The following KCNJ16 variants were observed in gnomAD, a reference collection of about 807,000 sequenced individuals.
KCNJ16 encodes inward rectifier potassium channel 16.
Under a neutral mutation model 18.5 loss-of-function variants are expected in KCNJ16, and 15 were observed. The ratio of observed to expected loss-of-function variants is 0.81; its 90% CI spans 0.54 to 1.25. The LOEUF (loss-of-function observed/expected upper bound fraction) is 1.25. KCNJ16 is among the 50% of genes most tolerant of loss of function. The pLI is 0.00. For missense variants in KCNJ16, 523 were observed against 525.7 expected, an observed-to-expected ratio of 0.99 and a Z score of 0.05; for synonymous variants, 174 against 186.5, an observed-to-expected ratio of 0.93 and a Z score of 0.55.
At chr17:70,079,749 C>T (rs1281650007) in intron 1 of KCNJ16, among the ~76,000 whole-genome samples, 1 of 152,152 alleles carries the variant, frequency 6.6e-6, no homozygotes, top group African/African-American at 2.4e-5. Context: ...ATTGCCTAGG[C>T]TAGAGGGCAG....
At position 70,100,733 on chromosome 17, in the gene KCNJ16, A is replaced by G. The variant is rs1349018195; in HGVS notation, c.-224A>G. The G allele has an allele frequency of 6.6e-6, 1 of 152,194 alleles. No individual in the cohort carries two copies. The highest frequency in any genetic ancestry group is 2.4e-5 in the African/African-American group (1 of 41,444). 9.4% of individuals were successfully genotyped at this position (152,194 alleles called of 1,614,324 possible). A position where few individuals can be genotyped will look rare whatever the true frequency, so the allele number is the denominator to read the frequency against. On this transcript the variant is annotated 5_prime_UTR_variant, in exon 2 of 4. Transcript: ENST00000392671. Reference sequence around the variant, plus strand: ...ACTGGCAGACTGGCACTTTATCTCAATTCTTAACTGCTGTGTTGCCTCTCA... The same window carrying G: ...ACTGGCAGACTGGCACTTTATCTCAGTTCTTAACTGCTGTGTTGCCTCTCA...
chr17:70,098,899 AG>A (rs2072503266), intron 1 of KCNJ16, among the ~76,000 whole-genome samples: 1 of 152,212 alleles, frequency 6.6e-6, no homozygotes, highest in Admixed American at 6.5e-5. Context: ...AAGAACAACC[AG>A]GTGTTGAGCA....
chr17:70,078,279 G>A (rs529137283), intron 1 of KCNJ16, among the ~76,000 whole-genome samples: 4 of 152,246 alleles, frequency 2.6e-5, no homozygotes, highest in South Asian at 4.2e-4. Flanking sequence ...GCTGACAGGT[G>A]TATAAGAAAA....
intron 2 of KCNJ16, among the ~76,000 whole-genome samples, chr17:70,110,458 T>A (rs2073137467): frequency 6.8e-6 from 1 of 146,790 alleles, no homozygotes; most frequent in Admixed American, 6.7e-5. Context: ...GAACCAGACT[T>A]ACACACCTAC....
intron 1 of KCNJ16, among the ~76,000 whole-genome samples, chr17:70,092,767 A>C (rs143916906): frequency 1.3e-5 from 2 of 152,198 alleles, no homozygotes; most frequent in Non-Finnish European, 2.9e-5. Flanking sequence ...AATTTTATTT[A>C]AAGTCCAAAG....
intron 2 of KCNJ16, among the ~76,000 whole-genome samples, chr17:70,111,706 T>G (rs1795306274): frequency 6.6e-6 from 1 of 152,022 alleles, no homozygotes; most frequent in African/African-American, 2.4e-5. Flanking sequence ...GGGAGATAAT[T>G]GAATCATGGG....
intron 1 of KCNJ16, among the ~76,000 whole-genome samples, chr17:70,093,713 C>T (rs1036729669): frequency 6.6e-6 from 1 of 152,164 alleles, no homozygotes; most frequent in African/African-American, 2.4e-5. Context: ...CATTTTCTTA[C>T]TAATAATTCT....
chr17:70,089,683 A>C (rs2143681732), intron 1 of KCNJ16, among the ~76,000 whole-genome samples: 1 of 152,354 alleles, frequency 6.6e-6, no homozygotes, highest in Non-Finnish European at 1.5e-5. Context: ...ACATTTAGCT[A>C]TAAACTAGAC....
intron 2 of KCNJ16, among the ~76,000 whole-genome samples, chr17:70,105,260 T>C (rs1408468390): frequency 6.6e-6 from 1 of 152,200 alleles, no homozygotes; most frequent in East Asian, 1.9e-4. Context: ...TTCTCTCATA[T>C]ATCTCTGGGG....
At chr17:70,104,856 G>C (rs2072838784) in intron 2 of KCNJ16, 1 of 152,660 alleles carries the variant, frequency 6.6e-6, no homozygotes, top group Non-Finnish European at 1.5e-5. Context: ...GCGAAGCTGA[G>C]AACTCAGTGG....
intron 2 of KCNJ16, among the ~76,000 whole-genome samples, chr17:70,123,071 CAA>C (rs2144163196): frequency 6.6e-6 from 1 of 152,294 alleles, no homozygotes; most frequent in Admixed American, 6.5e-5. Context: ...TGTTCAAATG[CAA>C]AAGTTATCAT....
rs1598195104 is a variant in KCNJ16 at position 70,133,557 on chromosome 17, T to C, written c.*213T>C. On this transcript the variant is annotated 3_prime_UTR_variant, in exon 4 of 4. Coordinates refer to ENST00000392671, the MANE Select transcript of KCNJ16 (RefSeq NM_170741.4). ...TTGTTCGCCAATTTTGTATTAAGAA[T>C]GCTATTAAGCCTAATTGATTAAAAT... 7.9e-6 allele frequency: 4 copies of C among 508,706 alleles called. No homozygotes were observed. The Admixed American group carries it at 1.1e-4, about 14-fold the overall frequency. The allele number at this position is 508,706 out of a possible 1,614,324, so 31.5% of individuals were successfully genotyped here. A position where few individuals can be genotyped will look rare whatever the true frequency, so the allele number is the denominator to read the frequency against.
intron 2 of KCNJ16, among the ~76,000 whole-genome samples, chr17:70,103,296 G>GTGTGTGTGTGTGTGTATATA (rs1408960241): frequency 6.9e-5 from 5 of 72,054 alleles, no homozygotes; most frequent in African/African-American, 1.8e-4. Flanking sequence ...ATGTGTGTGT[G>GTGTGTGTGTGTGTGTATATA]TATATATATA....
chr17:70,117,406 T>C lies in KCNJ16; in HGVS notation c.-190-13473T>C, dbSNP rs529391956. On this transcript the variant is annotated intron_variant, in intron 2 of 3. Coordinates refer to ENST00000392671, the MANE Select transcript of KCNJ16 (RefSeq NM_170741.4). The stretch of plus-strand genomic sequence containing the variant: ...TGAACCAAACCTCAGCATCACACAA[T>C]ATACCTGAATAACAAACTTCGACAT... Among the ~76,000 whole-genome samples, 25 of 151,682 alleles carry C rather than the reference T, an allele frequency of 1.6e-4. No homozygotes were observed. In the South Asian group the frequency reaches 5.2e-3, roughly 32 times the overall value.
intron 2 of KCNJ16, 66 bp downstream of exon 2, chr17:70,100,832 G>C (rs1011211321): frequency 2.6e-5 from 4 of 152,168 alleles, no homozygotes; most frequent in African/African-American, 9.7e-5. Flanking sequence ...CTTCCTCCAT[G>C]AAAATGTGCT....
intron 1 of KCNJ16, among the ~76,000 whole-genome samples, chr17:70,078,653 T>C (rs1048500804): frequency 6.6e-6 from 1 of 152,134 alleles, no homozygotes; most frequent in East Asian, 1.9e-4. Flanking sequence ...CAATAAACAT[T>C]TATTAAGTAC....
chr17:70,131,186 G>A (rs895575937), intron 3 of KCNJ16, among the ~76,000 whole-genome samples: 5 of 133,976 alleles, frequency 3.7e-5, no homozygotes, highest in African/African-American at 9.4e-5. Context: ...GAGAAGAGCT[G>A]CCAGTGTCAA....
intron 2 of KCNJ16, among the ~76,000 whole-genome samples, chr17:70,123,262 GATATT>G (rs2073720036): frequency 9.0e-6 from 1 of 111,196 alleles, no homozygotes; most frequent in African/African-American, 3.2e-5. Context: ...CCTTTGAAAA[GATATT>G]GAAAAGATAA....
Position 70,132,717 on chromosome 17 carries a change from CGT to C in KCNJ16, c.632_633del (p.Val211GlyfsTer6). The part of the protein sequence containing the change: ...WRIGDFRPNH[V>X]VEGTVRAQLL... The stretch of plus-strand genomic sequence containing the variant: ...GCATTGGTGATTTTCGGCCAAACCA[CGT>C]GGTAGAAGGAACAGTTAGAGCCCAA... On this transcript the variant is annotated frameshift_variant, in exon 4 of 4. Coordinates refer to ENST00000392671, the MANE Select transcript of KCNJ16 (RefSeq NM_170741.4). LOFTEE classifies it high-confidence loss of function. The C allele has an allele frequency of 6.2e-7, 1 of 1,614,062 alleles. No individual in the cohort carries two copies. Among genetic ancestry groups the C allele is most frequent in the Non-Finnish European group, 8.5e-7 (1 of 1,180,026 alleles).
Sources: allele counts gnomAD v4.1 joint callset (sites outside exome capture counted in the v4.1 genomes callset), GRCh38; gene constraint gnomAD v4.1.1; transcripts MANE v1.5; gene names NCBI Gene and HGNC (gene_info 2026-07-23, HGNC 2026-07-21).